COL5A2: variants seen among roughly 807,000 people sequenced by gnomAD.
COL5A2 encodes the protein collagen alpha-2(V) chain.
Under a neutral mutation model 208.2 loss-of-function variants are expected in COL5A2, and 23 were observed. The ratio of observed to expected loss-of-function variants is 0.11; its 90% CI spans 0.08 to 0.16. The LOEUF (loss-of-function observed/expected upper bound fraction) is 0.16, where lower values mean the gene tolerates loss of function less well. COL5A2 is among the 10% of genes least tolerant of loss of function. COL5A2 has a pLI of 1.00. For missense variants in COL5A2, 1,590 were observed against 1,956.4 expected (o/e 0.81, Z 3.53); for synonymous variants, 625 against 628.5 (o/e 0.99, Z 0.08).
upstream of COL5A2, among the ~76,000 whole-genome samples, chr2:189,181,671 C>T (rs114772921): frequency 9.9e-3 from 1,504 of 152,304 alleles, 30 homozygotes; most frequent in African/African-American, 0.034. Context: ...GAATCTACAA[C>T]TCTCAGATCC....
chr2:189,097,832 T>A (rs72906361), intron 5 of COL5A2, among the ~76,000 whole-genome samples: 1 of 152,174 alleles, frequency 6.6e-6, no homozygotes, highest in African/African-American at 2.4e-5. Flanking sequence ...AAGGAAAGCC[T>A]CTTAGCCTAC....
Position 189,034,916 on chromosome 2 carries a change from A to T in COL5A2, c.4353T>A (p.Ser1451=). Residue 1451 remains serine, a splice_region_variant and synonymous_variant, in exon 53 of 54, where the codon TCT becomes TCA. Transcript: ENST00000374866. ...FRYIVLQDTC[S]KRNGNVGKTV... is the part of the protein sequence containing the mutation. ...TCAATGTAGATCAAAAAGTACTTAC[A>T]GAGCAAGTGTCTTGAAGAACGATAT... The T allele has an allele frequency of 6.2e-7, 1 of 1,613,886 alleles. No homozygotes were observed. The highest frequency in any genetic ancestry group is 1.7e-4 in the Middle Eastern group (1 of 6,058).
At chr2:189,394,323 G>A in the COL5A2 span, among the ~76,000 whole-genome samples, 2 of 152,036 alleles carry the variant, frequency 1.3e-5, no homozygotes, top group African/African-American at 4.8e-5. Context: ...TCTTGGGAGA[G>A]TTACTATGGA....
rs1685388006 is a variant in COL5A2 at position 189,033,878 on chromosome 2, A to T, written c.*192T>A. 4.3e-6 allele frequency: 3 copies of T among 699,560 alleles called. No individual in the cohort carries two copies. Among genetic ancestry groups the T allele is most frequent in the Non-Finnish European group, 7.2e-6 (3 of 417,648 alleles). 43.3% of individuals were successfully genotyped at this position (699,560 alleles called of 1,614,324 possible). On this transcript the variant is annotated 3_prime_UTR_variant, in exon 54 of 54. Transcript: ENST00000374866. The stretch of plus-strand genomic sequence containing the variant: ...TGAAAAATATTTAAAATCAATTAAA[A>T]CTTGAGGATTGTAAGTAAAATAAAT...
Position 189,068,188 on chromosome 2 carries a change from C to A in COL5A2, c.1302+38G>T, listed in dbSNP as rs757765885. On this transcript the variant is annotated intron_variant, in intron 20 of 53. Transcript: ENST00000374866. ...TGGGGCCAATGTCTAAAGAATCATGCCCATTTGAGCTTCACATGCCATAAA... is the reference window on the plus strand; with the variant it reads ...TGGGGCCAATGTCTAAAGAATCATGACCATTTGAGCTTCACATGCCATAAA... The A allele has an allele frequency of 3.2e-5, 51 of 1,609,586 alleles. No individual in the cohort carries two copies. The East Asian group carries it at 1.1e-3, about 34-fold the overall frequency.
the COL5A2 span, among the ~76,000 whole-genome samples, chr2:189,297,019 T>C: frequency 2.0e-5 from 3 of 152,200 alleles, no homozygotes; most frequent in African/African-American, 7.2e-5. Flanking sequence ...AAATTCTATA[T>C]ACTCTGTGCC....
chr2:189,055,923 A>G (rs1394069372), intron 35 of COL5A2, among the ~76,000 whole-genome samples: 1 of 152,214 alleles, frequency 6.6e-6, no homozygotes, highest in Non-Finnish European at 1.5e-5. Context: ...CCATGATGTA[A>G]AATATTAAAA....
At chr2:189,306,987 A>G in the COL5A2 span, among the ~76,000 whole-genome samples, 1 of 152,198 alleles carries the variant, frequency 6.6e-6, no homozygotes, top group Admixed American at 6.5e-5. Flanking sequence ...ATGTGACCCA[A>G]TAAGTAAATT....
At chr2:189,156,795 C>T (rs1688256535) in intron 1 of COL5A2, among the ~76,000 whole-genome samples, 1 of 151,952 alleles carries the variant, frequency 6.6e-6, no homozygotes, top group African/African-American at 2.4e-5. Flanking sequence ...CTGAAACTTC[C>T]AAAATAGCTA....
intron 1 of COL5A2, among the ~76,000 whole-genome samples, chr2:189,153,811 C>T (rs1488651259): frequency 1.3e-5 from 2 of 152,024 alleles, no homozygotes; most frequent in Non-Finnish European, 1.5e-5. Flanking sequence ...TCTGGCAACA[C>T]GTTTCAGTTT....
At chr2:189,201,238 C>A (rs2105857137) in intron 1 of COL5A2, among the ~76,000 whole-genome samples, 1 of 152,056 alleles carries the variant, frequency 6.6e-6, no homozygotes, top group African/African-American at 2.4e-5. Context: ...TGATGATTAA[C>A]CTTCATTAAA....
At chr2:189,259,668 A>G in the COL5A2 span, among the ~76,000 whole-genome samples, 1 of 152,218 alleles carries the variant, frequency 6.6e-6, no homozygotes, top group Non-Finnish European at 1.5e-5. Context: ...GAAGAGTTGG[A>G]GGCTCACAGA....
intron 1 of COL5A2, among the ~76,000 whole-genome samples, chr2:189,161,378 T>G (rs1234191508): frequency 6.6e-6 from 1 of 152,172 alleles, no homozygotes; most frequent in Non-Finnish European, 1.5e-5. Flanking sequence ...CATCTTTGTG[T>G]CCCTATACTC....
At chr2:189,329,992 T>A in the COL5A2 span, among the ~76,000 whole-genome samples, 1 of 151,938 alleles carries the variant, frequency 6.6e-6, no homozygotes, top group African/African-American at 2.4e-5. Context: ...AACAAACTCA[T>A]AATTAATAGG....
the COL5A2 span, among the ~76,000 whole-genome samples, chr2:189,299,314 G>A: frequency 9.2e-5 from 14 of 152,210 alleles, no homozygotes; most frequent in South Asian, 2.5e-3. Context: ...AATTTAAAGA[G>A]GTCCTGATTG....
At chr2:189,333,913 T>TA in the COL5A2 span, among the ~76,000 whole-genome samples, 1 of 151,026 alleles carries the variant, frequency 6.6e-6, no homozygotes, top group Admixed American at 6.6e-5. Context: ...ATACTACTGG[T>TA]AATGAAAGGA....
chr2:189,209,639 G>A (rs1689186957), intron 1 of COL5A2, among the ~76,000 whole-genome samples: 1 of 152,154 alleles, frequency 6.6e-6, no homozygotes, highest in African/African-American at 2.4e-5. Flanking sequence ...AATTCTTGAG[G>A]TACTTCTGAG....
the COL5A2 span, among the ~76,000 whole-genome samples, chr2:189,350,034 A>G: frequency 0.53 from 80,611 of 152,048 alleles, 24,798 homozygotes; most frequent in East Asian, 0.72. Flanking sequence ...ATTTATTCAT[A>G]TTATAAATAT....
chr2:189,175,655 T>G (rs865964018), intron 1 of COL5A2, among the ~76,000 whole-genome samples: 43 of 151,716 alleles, frequency 2.8e-4, no homozygotes, highest in African/African-American at 1.0e-3. Context: ...GCAACTCTCG[T>G]GCCTCAGTCT....
Sources: allele counts gnomAD v4.1 joint callset (sites outside exome capture counted in the v4.1 genomes callset), GRCh38; gene constraint gnomAD v4.1.1; transcripts MANE v1.5; gene names NCBI Gene and HGNC (gene_info 2026-07-23, HGNC 2026-07-21).